Variants in TM9SF3 observed in about 807,000 individuals in gnomAD.
TM9SF3 encodes transmembrane 9 superfamily member 3, also known as SM-11044-binding protein.
A neutral mutation model predicts 78.6 loss-of-function variants in TM9SF3; 14 were observed. The ratio of observed to expected loss-of-function variants is 0.18; its 90% CI spans 0.12 to 0.28. TM9SF3 has a LOEUF of 0.28. TM9SF3 is among the 10% of genes least tolerant of loss of function. TM9SF3 has a pLI of 1.00. For missense variants in TM9SF3, 496 were observed against 721.9 expected (o/e 0.69, Z 3.59); for synonymous variants, 231 against 241.7 (o/e 0.96, Z 0.41).
intron 1 of TM9SF3, among the ~76,000 whole-genome samples, chr10:96,582,551 TA>T (rs1159462922): frequency 1.3e-5 from 2 of 152,208 alleles, no homozygotes; most frequent in African/African-American, 4.8e-5. Flanking sequence ...TCACTGACTA[TA>T]AAGAAGCCTA....
In TM9SF3 at chr10:96,522,216, C is replaced by T. The variant is rs775651475; in HGVS notation, c.*47G>A. On this transcript the variant is annotated 3_prime_UTR_variant, in exon 15 of 15. Transcript: ENST00000371142. ...TTTGTTTTTGCTGTGCAAGTTCCAC[C>T]CCTATGAAAAAGAAATTGATCCAAA... is the stretch of plus-strand genomic sequence containing the variant. 1 of 1,517,740 alleles carries T rather than the reference C, an allele frequency of 6.6e-7. No individual in the cohort carries two copies. 94.0% of individuals were successfully genotyped at this position (1,517,740 alleles called of 1,614,324 possible).
chr10:96,542,958 A>G (rs1040467521), intron 9 of TM9SF3, among the ~76,000 whole-genome samples: 5 of 152,248 alleles, frequency 3.3e-5, no homozygotes, highest in African/African-American at 9.6e-5. Context: ...TAATAGAAAG[A>G]AAACCCAAAC....
chr10:96,574,308 C>A (rs184048784), intron 2 of TM9SF3, among the ~76,000 whole-genome samples: 23 of 152,148 alleles, frequency 1.5e-4, no homozygotes, highest in Non-Finnish European at 1.5e-4. Flanking sequence ...ATGCAGCCAA[C>A]GAACATACAA....
chr10:96,552,690 T>G (rs903178717), intron 6 of TM9SF3, among the ~76,000 whole-genome samples: 1 of 152,078 alleles, frequency 6.6e-6, no homozygotes, highest in African/African-American at 2.4e-5. Flanking sequence ...GTTACACTAT[T>G]TATTTATCCC....
At chr10:96,568,936 C>T (rs946508079) in intron 2 of TM9SF3, among the ~76,000 whole-genome samples, 7 of 152,136 alleles carry the variant, frequency 4.6e-5, no homozygotes, top group Non-Finnish European at 8.8e-5. Flanking sequence ...CCTGGAATCT[C>T]AGCACTTTAG....
rs556190180 is a variant in TM9SF3, at chr10:96,520,984, A to G, written c.*1279T>C. 12 of 396,630 alleles carry G rather than the reference A, an allele frequency of 3.0e-5. No homozygotes were observed. Among genetic ancestry groups the G allele is most frequent in the African/African-American group, 2.3e-4 (11 of 48,626 alleles). The allele number at this position is 396,630 out of a possible 1,614,324, so 24.6% of individuals were successfully genotyped here. ...CAAACACATCTATTTCCACAAAACA[A>G]TTTGGTCAGGAAATTTTATTTGAAC... On this transcript the variant is annotated 3_prime_UTR_variant, in exon 15 of 15. Coordinates refer to ENST00000371142, the MANE Select transcript of TM9SF3 (RefSeq NM_020123.4).
intron 1 of TM9SF3, among the ~76,000 whole-genome samples, chr10:96,585,708 G>A (rs1848620897): frequency 1.3e-5 from 2 of 152,226 alleles, no homozygotes; most frequent in Non-Finnish European, 2.9e-5. Context: ...TCACTTACCA[G>A]AAATGACATA....
intron 6 of TM9SF3, among the ~76,000 whole-genome samples, 160 bp downstream of exon 6, chr10:96,552,768 A>G (rs538952086): frequency 1.6e-4 from 25 of 152,330 alleles, no homozygotes; most frequent in Non-Finnish European, 2.8e-4. Flanking sequence ...GGGCATGGTT[A>G]CAGACCACAC....
intron 14 of TM9SF3, 34 bp downstream of exon 14, chr10:96,527,179 T>G: frequency 6.4e-7 from 1 of 1,558,230 alleles, no homozygotes; most frequent in Non-Finnish European, 8.8e-7. Context: ...AAACTCAGAT[T>G]TACTCATGAT....
At chr10:96,544,357 T>C (rs1413714985) in intron 8 of TM9SF3, 151 bp from the exon 9 acceptor site, 6 of 671,818 alleles carry the variant, frequency 8.9e-6, no homozygotes, top group East Asian at 3.4e-5. Flanking sequence ...CAAGTACGTA[T>C]AGTGAAATCA....
chr10:96,523,127 G>A (rs1847798299), intron 14 of TM9SF3, among the ~76,000 whole-genome samples: 1 of 151,856 alleles, frequency 6.6e-6, no homozygotes, highest in South Asian at 2.1e-4. Flanking sequence ...TGGTGCAAAA[G>A]TATTTGCAGC....
At chr10:96,580,352 G>A (rs1187551652) in intron 1 of TM9SF3, among the ~76,000 whole-genome samples, 5 of 152,090 alleles carry the variant, frequency 3.3e-5, no homozygotes, top group Middle Eastern at 3.4e-3. Flanking sequence ...TGAAAGCTCC[G>A]CCTCCCAGGT....
intron 14 of TM9SF3, among the ~76,000 whole-genome samples, chr10:96,526,122 A>G (rs1441755928): frequency 2.0e-5 from 3 of 152,060 alleles, no homozygotes; most frequent in African/African-American, 7.2e-5. Flanking sequence ...TATTATTTCT[A>G]TTTTGCAAAT....
At chr10:96,572,241 C>T (rs1420650264) in intron 2 of TM9SF3, among the ~76,000 whole-genome samples, 1 of 152,046 alleles carries the variant, frequency 6.6e-6, no homozygotes, top group Non-Finnish European at 1.5e-5. Flanking sequence ...GCTCTACATG[C>T]ATTCTCATTT....
intron 7 of TM9SF3, among the ~76,000 whole-genome samples, chr10:96,549,218 T>C (rs971824228): frequency 6.6e-6 from 1 of 152,216 alleles, no homozygotes; most frequent in Non-Finnish European, 1.5e-5. Flanking sequence ...CTGATTGCTA[T>C]AGTGACCACA....
intron 1 of TM9SF3, among the ~76,000 whole-genome samples, chr10:96,586,077 CACTT>C (rs970217105): frequency 1.3e-5 from 2 of 152,130 alleles, no homozygotes; most frequent in Non-Finnish European, 2.9e-5. Flanking sequence ...ATGGGGGTCT[CACTT>C]AGGGGCTGGA....
intron 3 of TM9SF3, 58 bp from the exon 4 acceptor site, chr10:96,562,196 A>C: frequency 1.5e-6 from 2 of 1,294,862 alleles, no homozygotes; most frequent in Non-Finnish European, 2.1e-6. Flanking sequence ...AAAATATCCT[A>C]CAAGCTAAAT....
At chr10:96,532,912 TA>T (rs1847914150) in intron 10 of TM9SF3, 138 bp downstream of exon 10, 2 of 1,024,598 alleles carry the variant, frequency 2.0e-6, no homozygotes, top group East Asian at 5.0e-5. Flanking sequence ...AAGGAAATAG[TA>T]AAATGAACTT....
At chr10:96,575,784 A>G (rs1848490060) in intron 2 of TM9SF3, among the ~76,000 whole-genome samples, 1 of 152,050 alleles carries the variant, frequency 6.6e-6, no homozygotes, top group South Asian at 2.1e-4. Flanking sequence ...AGGATCCATG[A>G]TGTATTCAAA....
Sources: gnomAD v4.1 joint callset for allele counts (sites outside exome capture counted in the v4.1 genomes callset) on GRCh38, gnomAD v4.1.1 for gene constraint, MANE v1.5 for transcripts, NCBI Gene and HGNC (gene_info 2026-07-23, HGNC 2026-07-21) for gene names.